C7orf78: variants seen among roughly 807,000 people sequenced by gnomAD.
C7orf78 encodes the protein putative uncharacterized protein C7orf78.
At chr7:12,488,433 C>T in the C7orf78 span, among the ~76,000 whole-genome samples, 3 of 152,038 alleles carry the variant, frequency 2.0e-5, no homozygotes, top group African/African-American at 7.2e-5. Flanking sequence ...TACAAACTAA[C>T]TAAATTGTAG....
the C7orf78 span, among the ~76,000 whole-genome samples, chr7:12,516,857 C>T: frequency 6.6e-6 from 1 of 152,148 alleles, no homozygotes; most frequent in Non-Finnish European, 1.5e-5. Flanking sequence ...TACCTGTACC[C>T]CCATTGTATC....
the C7orf78 span, among the ~76,000 whole-genome samples, chr7:12,493,179 G>C: frequency 2.6e-5 from 4 of 152,194 alleles, no homozygotes; most frequent in African/African-American, 9.7e-5. Flanking sequence ...CTGGGCGGCA[G>C]AGCAAGACCC....
chr7:12,485,086 G>A, the C7orf78 span, among the ~76,000 whole-genome samples: 507 of 136,900 alleles, frequency 3.7e-3, no homozygotes, highest in South Asian at 0.02. Flanking sequence ...CTAATTGCCT[G>A]AAATCCAAAT....
At chr7:12,534,503 T>A in the C7orf78 span, among the ~76,000 whole-genome samples, 2 of 152,134 alleles carry the variant, frequency 1.3e-5, no homozygotes, top group Non-Finnish European at 2.9e-5. Flanking sequence ...ACATTAAAAC[T>A]ACAAACTTCT....
the C7orf78 span, among the ~76,000 whole-genome samples, chr7:12,487,700 A>G: frequency 5.9e-4 from 90 of 152,188 alleles, no homozygotes; most frequent in Middle Eastern, 3.4e-3. Context: ...AAACTTCAAT[A>G]GCAAAGCCAG....
chr7:12,492,117 C>T, the C7orf78 span: 1 of 152,206 alleles, frequency 6.6e-6, no homozygotes, highest in East Asian at 1.9e-4. Context: ...GTGTCTGACC[C>T]CCAGGACAAG....
At chr7:12,495,213 C>T in the C7orf78 span, among the ~76,000 whole-genome samples, 4 of 152,150 alleles carry the variant, frequency 2.6e-5, no homozygotes, top group Non-Finnish European at 4.4e-5. Context: ...CCTCATCTTA[C>T]GCTGTAAATT....
At chr7:12,516,038 A>C in the C7orf78 span, among the ~76,000 whole-genome samples, 2 of 152,204 alleles carry the variant, frequency 1.3e-5, no homozygotes, top group African/African-American at 4.8e-5. Flanking sequence ...ACAAGGAGCC[A>C]AATGTTAATT....
the C7orf78 span, among the ~76,000 whole-genome samples, chr7:12,494,169 A>G: frequency 6.6e-6 from 1 of 152,272 alleles, no homozygotes; most frequent in South Asian, 2.1e-4. Context: ...AGGGACCAAG[A>G]GGCTGAAAGG....
the C7orf78 span, among the ~76,000 whole-genome samples, chr7:12,500,239 C>G: frequency 2.0e-5 from 3 of 152,006 alleles, no homozygotes; most frequent in East Asian, 1.9e-4. Flanking sequence ...TCAGGCAGAA[C>G]TGAAGGAAAT....
chr7:12,512,276 G>C, the C7orf78 span, among the ~76,000 whole-genome samples: 3 of 152,132 alleles, frequency 2.0e-5, no homozygotes, highest in Non-Finnish European at 2.9e-5. Flanking sequence ...ACTTCTTAGA[G>C]AAGAGACTTT....
the C7orf78 span, among the ~76,000 whole-genome samples, chr7:12,538,621 C>G: frequency 1.3e-5 from 2 of 152,144 alleles, no homozygotes; most frequent in African/African-American, 4.8e-5. Flanking sequence ...CCCTAAGTCC[C>G]TGCCTCAGCC....
At chr7:12,493,006 C>T in the C7orf78 span, among the ~76,000 whole-genome samples, 2 of 152,086 alleles carry the variant, frequency 1.3e-5, no homozygotes, top group African/African-American at 2.4e-5. Context: ...AGTTTGAAAC[C>T]AGCCTGGGTC....
At chr7:12,524,600 T>C in the C7orf78 span, among the ~76,000 whole-genome samples, 3 of 152,098 alleles carry the variant, frequency 2.0e-5, no homozygotes, top group African/African-American at 7.2e-5. Flanking sequence ...ATCCCAGCAC[T>C]TTGGGAGGCC....
At chr7:12,534,110 T>C in the C7orf78 span, among the ~76,000 whole-genome samples, 1 of 152,232 alleles carries the variant, frequency 6.6e-6, no homozygotes, top group African/African-American at 2.4e-5. Context: ...TCATGAATTT[T>C]AAATATGCTG....
At chr7:12,486,365 C>G in the C7orf78 span, among the ~76,000 whole-genome samples, 1 of 151,890 alleles carries the variant, frequency 6.6e-6, no homozygotes, top group Non-Finnish European at 1.5e-5. Flanking sequence ...TTTCCACACA[C>G]TATTCATTCA....
the C7orf78 span, among the ~76,000 whole-genome samples, chr7:12,504,792 A>T: frequency 2.6e-5 from 4 of 152,158 alleles, no homozygotes; most frequent in African/African-American, 7.2e-5. Flanking sequence ...ATTTCCCTTT[A>T]TACAAGTTTA....
At chr7:12,498,887 C>T in the C7orf78 span, among the ~76,000 whole-genome samples, 6 of 151,614 alleles carry the variant, frequency 4.0e-5, no homozygotes, top group East Asian at 1.9e-4. Flanking sequence ...GAGGATCTCT[C>T]GGCAGAAACC....
the C7orf78 span, chr7:12,507,269 C>T: frequency 1.4e-5 from 2 of 144,888 alleles, no homozygotes; most frequent in Middle Eastern, 6.8e-3. Flanking sequence ...GATCGTGCCA[C>T]TGCACTCCAG....
Sources: allele counts gnomAD v4.1 joint callset (sites outside exome capture counted in the v4.1 genomes callset), GRCh38; gene constraint gnomAD v4.1.1; transcripts MANE v1.5; gene names NCBI Gene and HGNC (gene_info 2026-07-23, HGNC 2026-07-21).